TCF12: variants seen among roughly 807,000 people sequenced by gnomAD.
TCF12 encodes DNA-binding protein HTF4.
TCF12 carries 45 observed loss-of-function variants against 86.0 expected under a neutral mutation model. That is an observed-to-expected ratio of 0.52 (90% confidence interval 0.41 to 0.67). TCF12 has a LOEUF of 0.67. TCF12 is among the 30% of genes least tolerant of loss of function. The pLI, the probability that TCF12 is intolerant of heterozygous loss-of-function variation, is 0.00. For missense variants in TCF12, 881 were observed against 859.9 expected, an observed-to-expected ratio of 1.02 and a Z score of -0.31; for synonymous variants, 330 against 299.6, an observed-to-expected ratio of 1.10 and a Z score of -1.05.
At position 57,000,763 on chromosome 15, in the gene TCF12, T is replaced by C. The variant is rs1487685686; in HGVS notation, c.149-62987T>C. 3.3e-5 allele frequency among the ~76,000 whole-genome samples: 5 copies of C among 152,226 alleles called. No individual in the cohort carries two copies. The East Asian group carries it at 7.7e-4, about 24-fold the overall frequency. ...TCTGTGCCTCCTTATTAATGATTTCTAGTACTGCACACCAAGCCTGATTAT... is the reference window on the plus strand; with the variant it reads ...TCTGTGCCTCCTTATTAATGATTTCCAGTACTGCACACCAAGCCTGATTAT... On this transcript the variant is annotated intron_variant, in intron 3 of 20. Transcript: ENST00000333725.
Position 57,027,992 on chromosome 15 carries a change from C to T in TCF12, c.149-35758C>T, listed in dbSNP as rs2065921477. 2.0e-5 allele frequency among the ~76,000 whole-genome samples: 3 copies of T among 151,826 alleles called. No individual in the cohort carries two copies. In the South Asian group the frequency reaches 6.2e-4, roughly 31 times the overall value. On this transcript the variant is annotated intron_variant, in intron 3 of 20. Coordinates refer to ENST00000333725, the MANE Select transcript of TCF12 (RefSeq NM_207037.2). The stretch of plus-strand genomic sequence containing the variant: ...TTTTTTTTTTCTTTTGAGATGGAGT[C>T]TCACTCTGTTGCCCAGGCTGGAGTG...
At chr15:57,099,420 A>T (rs1175409380) in intron 5 of TCF12, among the ~76,000 whole-genome samples, 2 of 152,182 alleles carry the variant, frequency 1.3e-5, no homozygotes, top group Admixed American at 1.3e-4. Context: ...AGGATTTCAG[A>T]AAATATAGGG....
intron 4 of TCF12, among the ~76,000 whole-genome samples, chr15:57,078,576 G>C (rs775776500): frequency 6.6e-6 from 1 of 152,104 alleles, no homozygotes; most frequent in Non-Finnish European, 1.5e-5. Context: ...ATTATAGGCA[G>C]TACTACACAT....
chr15:57,091,714 G>A, intron 4 of TCF12, 75 bp from the exon 5 acceptor site: 3 of 1,028,536 alleles, frequency 2.9e-6, no homozygotes, highest in Non-Finnish European at 4.5e-6. Context: ...ATATTAATTA[G>A]GTGAGTGTCA....
intron 5 of TCF12, among the ~76,000 whole-genome samples, chr15:57,133,798 C>G (rs975878352): frequency 2.5e-4 from 38 of 152,160 alleles, no homozygotes; most frequent in African/African-American, 9.2e-4. Context: ...GGTTCCTACT[C>G]CTTCTGTCTA....
rs561557093 is a variant in TCF12, at chr15:56,919,769, G to A, written c.-22-123G>A. ...TCGCGCCGCGGTGGGAGCGAGTCGG[G>A]GTCCTGGAAGTCATCCCGGCGCCCC... On this transcript the variant is annotated intron_variant, in intron 1 of 20. Coordinates refer to ENST00000333725, the MANE Select transcript of TCF12 (RefSeq NM_207037.2). 2.3e-4 allele frequency: 174 copies of A among 769,142 alleles called. No individual in the cohort carries two copies. In the African/African-American group the frequency reaches 2.8e-3, roughly 12 times the overall value. 47.6% of individuals were successfully genotyped at this position (769,142 alleles called of 1,614,324 possible). A position where few individuals can be genotyped will look rare whatever the true frequency, so the allele number is the denominator to read the frequency against.
intron 6 of TCF12, among the ~76,000 whole-genome samples, chr15:57,177,188 G>T (rs1174641310): frequency 6.6e-6 from 1 of 151,974 alleles, no homozygotes; most frequent in African/African-American, 2.4e-5. Flanking sequence ...TGTGCATTTT[G>T]TGGGTTGTTT....
chr15:57,075,259 T>A (rs751998290), intron 4 of TCF12, among the ~76,000 whole-genome samples: 1 of 152,230 alleles, frequency 6.6e-6, no homozygotes, highest in Non-Finnish European at 1.5e-5. Context: ...TATTACTGTT[T>A]ATTTTCCACT....
chr15:57,164,907 C>T (rs550866798), intron 5 of TCF12, among the ~76,000 whole-genome samples: 1 of 152,318 alleles, frequency 6.6e-6, no homozygotes, highest in African/African-American at 2.4e-5. Context: ...TCTTGAACTC[C>T]TGACCTCAGG....
At position 56,950,318 on chromosome 15, in the gene TCF12, C is replaced by T. The variant is rs193178224; in HGVS notation, c.148+29220C>T. On this transcript the variant is annotated intron_variant, in intron 3 of 20. Coordinates refer to ENST00000333725, the MANE Select transcript of TCF12 (RefSeq NM_207037.2). The stretch of plus-strand genomic sequence containing the variant: ...TCGGTTCACAGCAACCTCTGCCTAC[C>T]GGGTTCAAGCGATTATCCTGCCTTA... 3.2e-3 allele frequency among the ~76,000 whole-genome samples: 483 copies of T among 152,214 alleles called. 3 individuals are homozygous for T. Among genetic ancestry groups the T allele is most frequent in the African/African-American group, 0.011 (462 of 41,530 alleles).
At chr15:56,951,047 C>T (rs138571614) in intron 3 of TCF12, among the ~76,000 whole-genome samples, 28 of 152,144 alleles carry the variant, frequency 1.8e-4, no homozygotes, top group Admixed American at 1.2e-3. Context: ...CGAGCCACTG[C>T]GCCCGGCCAT....
chr15:57,110,714 T>C (rs2050431034), intron 5 of TCF12, among the ~76,000 whole-genome samples: 1 of 150,932 alleles, frequency 6.6e-6, no homozygotes, highest in Non-Finnish European at 1.5e-5. Flanking sequence ...TGGCCCTAGA[T>C]AGAATGGATA....
intron 8 of TCF12, among the ~76,000 whole-genome samples, chr15:57,214,643 ATG>A (rs1458259185): frequency 6.6e-6 from 1 of 152,318 alleles, no homozygotes; most frequent in East Asian, 1.9e-4. Flanking sequence ...GAATTTTAGC[ATG>A]TGTCTTTACA....
At chr15:56,998,622 T>G (rs549672363) in intron 3 of TCF12, among the ~76,000 whole-genome samples, 2 of 152,232 alleles carry the variant, frequency 1.3e-5, no homozygotes, top group East Asian at 3.9e-4. Context: ...TTCTTAGGAA[T>G]AGATAGAACT....
At chr15:56,934,098 T>C (rs185208157) in intron 3 of TCF12, among the ~76,000 whole-genome samples, 77 of 152,212 alleles carry the variant, frequency 5.1e-4, no homozygotes, top group African/African-American at 1.8e-3. Context: ...ACATAGTCTT[T>C]GTGAGGATTC....
At chr15:57,243,363 G>T in intron 12 of TCF12, 109 bp from the exon 13 acceptor site, 1 of 873,634 alleles carries the variant, frequency 1.1e-6, no homozygotes. Flanking sequence ...TTTTCACTCT[G>T]AAGTCTTAGG....
intron 6 of TCF12, among the ~76,000 whole-genome samples, chr15:57,174,630 T>C (rs2055774379): frequency 6.6e-6 from 1 of 152,230 alleles, no homozygotes; most frequent in Admixed American, 6.5e-5. Context: ...TAGGAAATCC[T>C]AAGGAATCAT....
chr15:57,125,792 T>C (rs1394429488), intron 5 of TCF12, among the ~76,000 whole-genome samples: 2 of 152,234 alleles, frequency 1.3e-5, no homozygotes, highest in Non-Finnish European at 2.9e-5. Context: ...GCATACACTC[T>C]TGTAAATAGA....
chr15:57,104,450 T>TTC (rs1168026472), intron 5 of TCF12, among the ~76,000 whole-genome samples: 1 of 147,010 alleles, frequency 6.8e-6, no homozygotes, highest in Non-Finnish European at 1.5e-5. Context: ...TTTTTTTTTT[T>TTC]TTTTTTTTTG....
Sources: allele counts gnomAD v4.1 joint callset (sites outside exome capture counted in the v4.1 genomes callset), GRCh38; gene constraint gnomAD v4.1.1; transcripts MANE v1.5; gene names NCBI Gene and HGNC (gene_info 2026-07-23, HGNC 2026-07-21).